The following SULF2 variants were observed in gnomAD, a reference collection of about 807,000 sequenced individuals.
SULF2 encodes the protein sulfatase 2.
In SULF2, 52 loss-of-function variants were observed where a neutral mutation model predicts 107.7. The observed-to-expected ratio is 0.48, with a 90% CI of 0.39 to 0.61. The LOEUF is 0.61. SULF2 is among the 20% of genes least tolerant of loss of function. The pLI, the probability that SULF2 is intolerant of heterozygous loss-of-function variation, is 0.00. For missense variants in SULF2, 993 were observed against 1,177.3 expected (o/e 0.84, Z 2.29); for synonymous variants, 460 against 464.3 (o/e 0.99, Z 0.12).
chr20:47,756,542 G>C (rs1325898330), intron 2 of SULF2, among the ~76,000 whole-genome samples: 1 of 152,086 alleles, frequency 6.6e-6, no homozygotes, highest in African/African-American at 2.4e-5. Context: ...TATCCTTTAA[G>C]AGTGGACAGA....
At chr20:47,702,232 A>AT (rs1204470835) in intron 4 of SULF2, among the ~76,000 whole-genome samples, 1 of 151,784 alleles carries the variant, frequency 6.6e-6, no homozygotes, top group Non-Finnish European at 1.5e-5. Flanking sequence ...TAAGTTTTGT[A>AT]TTTTTTTCGT....
At chr20:47,772,836 G>A (rs964967436) in intron 1 of SULF2, among the ~76,000 whole-genome samples, 4 of 152,316 alleles carry the variant, frequency 2.6e-5, no homozygotes, top group East Asian at 3.9e-4. Flanking sequence ...GGAGGCCACC[G>A]GTCTGGCACA....
At chr20:47,734,073 C>T (rs2089675762) in intron 3 of SULF2, among the ~76,000 whole-genome samples, 1 of 152,142 alleles carries the variant, frequency 6.6e-6, no homozygotes, top group Admixed American at 6.5e-5. Context: ...GGCAAATGTC[C>T]ACCTAGAATA....
At chr20:47,659,335 T>C (rs372477316) in intron 20 of SULF2, 64 bp downstream of exon 20, 318 of 1,446,882 alleles carry the variant, frequency 2.2e-4, no homozygotes, top group Non-Finnish European at 2.8e-4. Context: ...GCAAATAGAA[T>C]AGCATTGGCA....
Position 47,736,733 on chromosome 20 carries a change from C to A in SULF2, c.385G>T (p.Val129Leu). The stretch of plus-strand genomic sequence containing the variant: ...CGGTAGCCAGTGCTATTGAGGTACA[C>A]GGCAAAGGTGCGGCTCTCGTGCTGT... Reference protein sequence around the residue: ...QAQHESRTFAVYLNSTGYRTA... With the variant: ...QAQHESRTFALYLNSTGYRTA... The change falls in exon 3 of 21, where the codon GTG becomes TTG. Residue 129 changes from valine (V) to leucine (L), a missense_variant. By Grantham distance (32) the Val-to-Leu change is conservative. Transcript: ENST00000688720. The A allele has an allele frequency of 6.2e-7, 1 of 1,614,188 alleles. No individual in the cohort carries two copies. Among genetic ancestry groups the A allele is most frequent in the South Asian group, 1.1e-5 (1 of 91,080 alleles).
At chr20:47,780,163 C>T (rs935321706) in intron 1 of SULF2, among the ~76,000 whole-genome samples, 2 of 151,512 alleles carry the variant, frequency 1.3e-5, no homozygotes, top group African/African-American at 2.4e-5. Flanking sequence ...ACTACAGGCA[C>T]GTGCCACCAC....
In SULF2 at chr20:47,689,016, GA is replaced by G. The variant is rs2088108367; in HGVS notation, c.737+1109del. ...AGAGAGAAGCAGGAGAACTTTCCAG[GA>G]AGTTTCCCAGCCAGCTGGATAGAGT... On this transcript the variant is annotated intron_variant, in intron 5 of 20. Coordinates refer to ENST00000688720, the MANE Select transcript of SULF2 (RefSeq NM_001387048.1). Among the ~76,000 whole-genome samples the G allele has an allele frequency of 2.6e-5, 4 of 152,202 alleles. No individual in the cohort carries two copies. The South Asian group carries it at 8.3e-4, about 32-fold the overall frequency.
intron 3 of SULF2, among the ~76,000 whole-genome samples, chr20:47,723,358 G>A (rs1347196449): frequency 6.6e-6 from 1 of 152,174 alleles, no homozygotes; most frequent in African/African-American, 2.4e-5. Context: ...GGGTTGAGGA[G>A]TACTAACCGA....
At chr20:47,772,634 G>T (rs1395223756) in intron 1 of SULF2, among the ~76,000 whole-genome samples, 1 of 152,034 alleles carries the variant, frequency 6.6e-6, no homozygotes, top group Non-Finnish European at 1.5e-5. Flanking sequence ...GTTGGAAATG[G>T]CATTTCCAAT....
intron 3 of SULF2, among the ~76,000 whole-genome samples, chr20:47,712,159 C>T (rs779303697): frequency 2.6e-5 from 4 of 152,240 alleles, no homozygotes; most frequent in Non-Finnish European, 4.4e-5. Context: ...CTTCTGCCTC[C>T]GCAGCCTTCC....
intron 4 of SULF2, among the ~76,000 whole-genome samples, chr20:47,691,496 G>T (rs181782731): frequency 6.6e-6 from 1 of 152,184 alleles, no homozygotes; most frequent in Non-Finnish European, 1.5e-5. Context: ...TTGGCCTGCG[G>T]TTTGGCCCAG....
rs150377843 is a variant in SULF2, at chr20:47,680,117, T to C, written c.1065-1313A>G. On this transcript the variant is annotated intron_variant, in intron 7 of 20. Coordinates refer to ENST00000688720, the MANE Select transcript of SULF2 (RefSeq NM_001387048.1). The surrounding 1 kb of genome is among the most constrained non-coding windows in gnomAD (Gnocchi z 4.2). Reference sequence around the variant, plus strand: ...TGCCACCTTTCCTGGCTCCTGTTTCTTTTTTTGAGAGGTGTCTTGCTCTGT... The same window carrying C: ...TGCCACCTTTCCTGGCTCCTGTTTCCTTTTTTGAGAGGTGTCTTGCTCTGT... Among the ~76,000 whole-genome samples, 4 of 152,304 alleles carry C rather than the reference T, an allele frequency of 2.6e-5. No homozygotes were observed. Among genetic ancestry groups the C allele is most frequent in the Non-Finnish European group, 5.9e-5 (4 of 68,026 alleles).
chr20:47,698,453 T>C (rs925768410), intron 4 of SULF2, among the ~76,000 whole-genome samples: 2 of 152,072 alleles, frequency 1.3e-5, no homozygotes, highest in African/African-American at 2.4e-5. Flanking sequence ...GAGACTCCCA[T>C]GCTTGCAGCT....
intron 1 of SULF2, among the ~76,000 whole-genome samples, chr20:47,783,889 G>T (rs1371838724): frequency 6.6e-6 from 1 of 152,200 alleles, no homozygotes; most frequent in Non-Finnish European, 1.5e-5. Flanking sequence ...TGATGTGGGA[G>T]AGACGAAGCT....
At chr20:47,667,306 T>C (rs1053229038) in intron 11 of SULF2, among the ~76,000 whole-genome samples, 1 of 151,950 alleles carries the variant, frequency 6.6e-6, no homozygotes, top group Non-Finnish European at 1.5e-5. Flanking sequence ...CACCAGGTGG[T>C]AGGCAGGTGC....
At chr20:47,686,082 G>C (rs376084461) in intron 5 of SULF2, 2 of 152,380 alleles carry the variant, frequency 1.3e-5, no homozygotes, top group African/African-American at 2.4e-5. Context: ...GGCTGTAAGG[G>C]GAACCCTTCT....
chr20:47,734,109 C>T (rs981452885), intron 3 of SULF2, among the ~76,000 whole-genome samples: 1 of 152,206 alleles, frequency 6.6e-6, no homozygotes, highest in African/African-American at 2.4e-5. Context: ...GGCCCCTTTG[C>T]TGCCATGCAT....
intron 3 of SULF2, among the ~76,000 whole-genome samples, chr20:47,713,435 G>A (rs1810130807): frequency 6.6e-6 from 1 of 152,172 alleles, no homozygotes; most frequent in South Asian, 2.1e-4. Context: ...TTGTCCAAAT[G>A]TACCATTAAC....
intron 3 of SULF2, among the ~76,000 whole-genome samples, chr20:47,707,788 A>G (rs1474962968): frequency 2.0e-5 from 3 of 152,200 alleles, no homozygotes; most frequent in East Asian, 3.8e-4. Flanking sequence ...CACTTTCTTT[A>G]TACCAGATCT....
Sources: gnomAD v4.1 joint callset for allele counts (sites outside exome capture counted in the v4.1 genomes callset) on GRCh38, gnomAD v4.1.1 for gene constraint, Gnocchi (gnomAD v3.1) non-coding constraint, MANE v1.5 for transcripts, NCBI Gene and HGNC (gene_info 2026-07-23, HGNC 2026-07-21) for gene names.